NSUN4: variants seen among roughly 807,000 people sequenced by gnomAD.
NSUN4 encodes 5-cytosine rRNA methyltransferase NSUN4.
NSUN4 carries 31 observed loss-of-function variants against 43.8 expected under a neutral mutation model. That is an observed-to-expected ratio of 0.71 (90% confidence interval 0.53 to 0.96). The LOEUF is 0.96. Ranked by LOEUF, NSUN4 falls within the 40% of genes least tolerant of loss-of-function variation. The pLI is 0.00. For synonymous variants in NSUN4, 167 were observed against 184.1 expected (o/e 0.91, Z 0.75); for missense variants, 439 against 475.6 (o/e 0.92, Z 0.72).
chr1:46,346,720 G>A (rs558355511), intron 2 of NSUN4, among the ~76,000 whole-genome samples: 14 of 152,184 alleles, frequency 9.2e-5, no homozygotes, highest in East Asian at 3.9e-4. Flanking sequence ...GTGAAACTCC[G>A]TCAGTCAATC....
intron 2 of NSUN4, 43 bp downstream of exon 2, chr1:46,345,187 T>TTCCAGCAGACACTCA: frequency 6.9e-7 from 1 of 1,447,810 alleles, no homozygotes; most frequent in Non-Finnish European, 9.4e-7. Flanking sequence ...GAGTGTCTGC[T>TTCCAGCAGACACTCA]GGAAGTAGAC....
At chr1:46,382,182 G>A in the NSUN4 span, among the ~76,000 whole-genome samples, 2 of 152,216 alleles carry the variant, frequency 1.3e-5, no homozygotes, top group Non-Finnish European at 2.9e-5. Context: ...ATTCAGAGAC[G>A]TAAAAACAAC....
the NSUN4 span, among the ~76,000 whole-genome samples, chr1:46,375,678 A>G: frequency 7.1e-6 from 1 of 140,758 alleles, no homozygotes; most frequent in Admixed American, 7.7e-5. Context: ...CAGAGGTTCT[A>G]GTGAGCTGAA....
the NSUN4 span, among the ~76,000 whole-genome samples, chr1:46,381,838 GTCA>G: frequency 5.9e-5 from 9 of 152,298 alleles, no homozygotes; most frequent in East Asian, 1.5e-3. Context: ...TGCTGTTTCT[GTCA>G]TCAGCACCTG....
intron 1 of NSUN4, chr1:46,343,379 C>T (rs1198299411): frequency 2.5e-6 from 1 of 399,710 alleles, no homozygotes; most frequent in African/African-American, 2.1e-5. Flanking sequence ...TCCCCTGTGG[C>T]CTCCATATCT....
Position 46,363,420 on chromosome 1 carries a change from C to CAGCCT in NSUN4, c.*1577_*1581dup, listed in dbSNP as rs1300173060. The CAGCCT allele has an allele frequency of 6.6e-6, 1 of 152,226 alleles. No individual in the cohort carries two copies. The highest frequency in any genetic ancestry group is 1.5e-5 in the Non-Finnish European group (1 of 68,052). 9.4% of individuals were successfully genotyped at this position (152,226 alleles called of 1,614,324 possible). On this transcript the variant is annotated 3_prime_UTR_variant, in exon 6 of 6. Transcript: ENST00000474844. ...TTCTGCCCTTGGACTCCTGGATATC[C>CAGCCT]AGCCTAGTGCTAATTGAATGCTAAG...
intron 3 of NSUN4, among the ~76,000 whole-genome samples, chr1:46,351,962 C>T (rs1208541620): frequency 6.7e-6 from 1 of 150,344 alleles, no homozygotes; most frequent in African/African-American, 2.4e-5. Flanking sequence ...CCGTGCCTGG[C>T]CTTCCAGTCT....
downstream of NSUN4, among the ~76,000 whole-genome samples, chr1:46,369,655 G>A (rs112073923): frequency 1.3e-3 from 199 of 152,274 alleles, 1 homozygote; most frequent in African/African-American, 4.6e-3. Context: ...TGCCCTAGCA[G>A]AGGGAACAGT....
chr1:46,340,976 T>G, intron 1 of NSUN4, 57 bp downstream of exon 1: 3 of 1,473,256 alleles, frequency 2.0e-6, no homozygotes, highest in Non-Finnish European at 2.8e-6. Context: ...TTCTCCAGTC[T>G]TTCCGTTTCC....
In NSUN4 at chr1:46,363,456, T is replaced by A. The variant is rs1664001209; in HGVS notation, c.*1610T>A. The A allele has an allele frequency of 6.6e-6, 1 of 152,170 alleles. No homozygotes were observed. The highest frequency in any genetic ancestry group is 1.5e-5 in the Non-Finnish European group (1 of 68,036). The allele number at this position is 152,170 out of a possible 1,614,324, so 9.4% of individuals were successfully genotyped here. A position where few individuals can be genotyped will look rare whatever the true frequency, so the allele number is the denominator to read the frequency against. ...TAATTGAATGCTAAGCAGTGGTAAT[T>A]CAAAATGAGAGGGTCCCCTGCCTCT... On this transcript the variant is annotated 3_prime_UTR_variant, in exon 6 of 6. Transcript: ENST00000474844.
downstream of NSUN4, among the ~76,000 whole-genome samples, chr1:46,368,951 C>T (rs1664195660): frequency 6.6e-6 from 1 of 152,148 alleles, no homozygotes; most frequent in Non-Finnish European, 1.5e-5. Context: ...TTGCCCTGAT[C>T]CCTGGTTGTT....
chr1:46,344,605 T>C (rs1259263522), intron 1 of NSUN4, among the ~76,000 whole-genome samples, 196 bp from the exon 2 acceptor site: 1 of 152,180 alleles, frequency 6.6e-6, no homozygotes, highest in Non-Finnish European at 1.5e-5. Flanking sequence ...CATCTTTATC[T>C]GACAACCCTG....
At chr1:46,378,224 G>A in the NSUN4 span, among the ~76,000 whole-genome samples, 1 of 147,370 alleles carries the variant, frequency 6.8e-6, no homozygotes, top group African/African-American at 2.5e-5. Context: ...TTTTTGAGAT[G>A]GAGTTTCTCT....
the NSUN4 span, among the ~76,000 whole-genome samples, chr1:46,373,315 C>T: frequency 7.2e-5 from 11 of 152,234 alleles, no homozygotes; most frequent in African/African-American, 2.7e-4. Context: ...AAGCTGCTTC[C>T]GCATTTTCAG....
At chr1:46,373,842 G>A in the NSUN4 span, among the ~76,000 whole-genome samples, 10 of 150,536 alleles carry the variant, frequency 6.6e-5, no homozygotes, top group African/African-American at 2.4e-4. Context: ...AAACACACAG[G>A]ACACAGCAAA....
chr1:46,358,007 C>T lies in NSUN4; in HGVS notation c.754-2697C>T, dbSNP rs879743706. ...TTGGCTCACTGCAACCTCCACCTTC[C>T]GGGTTCAAGCAATTCTTGTGCCTCA... is the stretch of plus-strand genomic sequence containing the variant. On this transcript the variant is annotated intron_variant, in intron 4 of 5. Coordinates refer to ENST00000474844, the MANE Select transcript of NSUN4 (RefSeq NM_199044.4). 1.1e-4 allele frequency among the ~76,000 whole-genome samples: 16 copies of T among 152,164 alleles called. No individual in the cohort carries two copies. The East Asian group carries it at 1.9e-3, about 18-fold the overall frequency.
intron 1 of NSUN4, chr1:46,341,678 A>G: frequency 1.6e-6 from 2 of 1,228,308 alleles, no homozygotes; most frequent in Non-Finnish European, 2.0e-6. Context: ...ACTCAGGGAG[A>G]TGGTCTTTTG....
At position 46,364,033 on chromosome 1, in the gene NSUN4, G is replaced by A. The variant is rs1664033555; in HGVS notation, c.*2187G>A. 1 of 151,834 alleles carries A rather than the reference G, an allele frequency of 6.6e-6. No individual in the cohort carries two copies. The highest frequency in any genetic ancestry group is 2.4e-5 in the African/African-American group (1 of 41,318). 9.4% of individuals were successfully genotyped at this position (151,834 alleles called of 1,614,324 possible). On this transcript the variant is annotated 3_prime_UTR_variant, in exon 6 of 6. Coordinates refer to ENST00000474844, the MANE Select transcript of NSUN4 (RefSeq NM_199044.4). The stretch of plus-strand genomic sequence containing the variant: ...GAAAATAGAAAATAGGCTAGGCACA[G>A]TGGCTCACGCCTGTAATCTCAACAC...
chr1:46,348,677 T>A (rs1662707172), intron 3 of NSUN4, among the ~76,000 whole-genome samples: 1 of 127,996 alleles, frequency 7.8e-6, no homozygotes, highest in East Asian at 2.6e-4. Flanking sequence ...CCATTGCACT[T>A]CCGCTTGGGC....
Sources: gnomAD v4.1 joint callset for allele counts (sites outside exome capture counted in the v4.1 genomes callset) on GRCh38, gnomAD v4.1.1 for gene constraint, MANE v1.5 for transcripts, NCBI Gene and HGNC (gene_info 2026-07-23, HGNC 2026-07-21) for gene names.